Variants in RIC3 observed in about 807,000 individuals in gnomAD.
RIC3 encodes protein RIC-3.
RIC3 carries 28 observed loss-of-function variants against 27.3 expected under a neutral mutation model. The observed-to-expected ratio is 1.02, with a 90% CI of 0.76 to 1.41. RIC3 has a LOEUF of 1.41. Among genes scored for constraint, RIC3 ranks in the 40% most tolerant of loss-of-function variants. The pLI is 0.00. For missense variants in RIC3, 501 were observed against 444.7 expected (o/e 1.13, Z -1.14); for synonymous variants, 184 against 160.4 (o/e 1.15, Z -1.11).
At chr11:8,137,069 G>T (rs534036656) in intron 4 of RIC3, among the ~76,000 whole-genome samples, 2 of 152,038 alleles carry the variant, frequency 1.3e-5, no homozygotes, top group Admixed American at 6.5e-5. Flanking sequence ...TCATTGCCCA[G>T]GCTGGAGTGC....
the RIC3 span, among the ~76,000 whole-genome samples, chr11:8,099,252 T>G: frequency 1.3e-5 from 2 of 152,188 alleles, no homozygotes; most frequent in African/African-American, 4.8e-5. Flanking sequence ...TCACTGAACG[T>G]TCAACCTAAG....
chr11:8,161,840 C>T (rs1175951813), intron 1 of RIC3, among the ~76,000 whole-genome samples: 1 of 152,154 alleles, frequency 6.6e-6, no homozygotes, highest in Non-Finnish European at 1.5e-5. Flanking sequence ...ATAAATGAGA[C>T]ACTCCCACTT....
Position 8,151,462 on chromosome 11 carries a change from T to C in RIC3, c.125-11269A>G, listed in dbSNP as rs527325228. 7.0e-4 allele frequency among the ~76,000 whole-genome samples: 105 copies of C among 149,558 alleles called. 1 individual carries two copies. The highest frequency in any genetic ancestry group is 3.4e-3 in the Middle Eastern group (1 of 290). On this transcript the variant is annotated intron_variant, in intron 1 of 5. Transcript: ENST00000309737. ...TTAGCCGGGCATGGTGGCGCGTGCC[T>C]GTAGTCCCAGCTACACGGGAGGCTG...
intron 4 of RIC3, among the ~76,000 whole-genome samples, chr11:8,133,551 T>C (rs1474333123): frequency 6.6e-6 from 1 of 152,108 alleles, no homozygotes; most frequent in Non-Finnish European, 1.5e-5. Context: ...AGAGGTAGGG[T>C]GGAAAAAGTA....
chr11:8,128,739 A>C (rs1407393140), intron 4 of RIC3, among the ~76,000 whole-genome samples: 2 of 148,932 alleles, frequency 1.3e-5, no homozygotes, highest in Admixed American at 6.7e-5. Flanking sequence ...TTTTATGAAA[A>C]GTTGCAAAAA....
chr11:8,098,380 C>G, the RIC3 span, among the ~76,000 whole-genome samples: 10 of 152,114 alleles, frequency 6.6e-5, no homozygotes, highest in African/African-American at 1.9e-4. Flanking sequence ...AGGCTGGCTG[C>G]GACAGAGGAG....
At chr11:8,151,644 G>A (rs1189896002) in intron 1 of RIC3, among the ~76,000 whole-genome samples, 8 of 149,882 alleles carry the variant, frequency 5.3e-5, no homozygotes, top group African/African-American at 2.0e-4. Context: ...CCAGGTGTGG[G>A]GGCTCATGCT....
At chr11:8,098,915 A>G in the RIC3 span, 3 of 1,457,530 alleles carry the variant, frequency 2.1e-6, no homozygotes, top group African/African-American at 1.4e-5. Flanking sequence ...TCCAAGGTAG[A>G]TATGAAATCC....
At chr11:8,162,110 A>G (rs755670045) in intron 1 of RIC3, among the ~76,000 whole-genome samples, 16 of 152,344 alleles carry the variant, frequency 1.1e-4, no homozygotes, top group Non-Finnish European at 1.9e-4. Context: ...TACCACCCTG[A>G]GAGGGCAGCC....
chr11:8,107,072 A>AGAG lies in RIC3; in HGVS notation c.*3623_*3625dup, dbSNP rs1455162279. 1 of 152,242 alleles carries AGAG rather than the reference A, an allele frequency of 6.6e-6. No homozygotes were observed. 9.4% of individuals were successfully genotyped at this position (152,242 alleles called of 1,614,324 possible). On this transcript the variant is annotated 3_prime_UTR_variant, in exon 6 of 6. Transcript: ENST00000309737. Reference sequence around the variant, plus strand: ...CTCTGAGAGGTTAAGGAATGACCTAAGAGGAGAAATTTGGGCTATTTTCTT... The same window carrying AGAG: ...CTCTGAGAGGTTAAGGAATGACCTAAGAGGAGGAGAAATTTGGGCTATTTTCTT...
At chr11:8,101,553 G>A (rs147880022), downstream of RIC3, 441 of 1,614,238 alleles carry the variant, frequency 2.7e-4, no homozygotes, top group South Asian at 1.7e-3. Flanking sequence ...ACAACTACCC[G>A]CTGTGTGCAC....
the RIC3 span, among the ~76,000 whole-genome samples, chr11:8,093,249 G>T: frequency 1.4e-4 from 21 of 152,040 alleles, no homozygotes; most frequent in African/African-American, 4.3e-4. Flanking sequence ...ACTGAGGGGG[G>T]CGAGGGGGAG....
intron 2 of RIC3, chr11:8,139,580 A>G (rs1329548214): frequency 1.0e-5 from 2 of 190,590 alleles, no homozygotes; most frequent in East Asian, 1.4e-4. Flanking sequence ...GCCAATCCCA[A>G]TAATAAAAGC....
At chr11:8,145,950 T>A (rs1170429043) in intron 1 of RIC3, among the ~76,000 whole-genome samples, 1 of 152,208 alleles carries the variant, frequency 6.6e-6, no homozygotes, top group Non-Finnish European at 1.5e-5. Flanking sequence ...GTGATACAGA[T>A]ATTCTGCCTA....
chr11:8,101,626 C>G (rs773963377), downstream of RIC3: 4 of 1,614,080 alleles, frequency 2.5e-6, no homozygotes, highest in South Asian at 3.3e-5. Flanking sequence ...GTAGAGGCCT[C>G]TTCGTGCCCT....
At chr11:8,095,795 A>G in the RIC3 span, 1 of 1,015,240 alleles carries the variant, frequency 9.8e-7, no homozygotes, top group Non-Finnish European at 1.4e-6. Context: ...GGTGGGGCAC[A>G]CTTCGGAGAC....
chr11:8,106,270 G>A lies in RIC3; in HGVS notation c.*4428C>T, dbSNP rs762552857. 1 of 152,062 alleles carries A rather than the reference G, an allele frequency of 6.6e-6. No individual in the cohort carries two copies. Among genetic ancestry groups the A allele is most frequent in the Non-Finnish European group, 1.5e-5 (1 of 67,990 alleles). 9.4% of individuals were successfully genotyped at this position (152,062 alleles called of 1,614,324 possible). A position where few individuals can be genotyped will look rare whatever the true frequency, so the allele number is the denominator to read the frequency against. ...TTCTGTGTACTTTTTTCATAAAGGG[G>A]AAAAAAGCCCTGTTTACTTCCTAAT... On this transcript the variant is annotated 3_prime_UTR_variant, in exon 6 of 6. Coordinates refer to ENST00000309737, the MANE Select transcript of RIC3 (RefSeq NM_001206671.4).
At chr11:8,128,817 C>T (rs538760146) in intron 4 of RIC3, among the ~76,000 whole-genome samples, 89 of 146,584 alleles carry the variant, frequency 6.1e-4, no homozygotes, top group African/African-American at 2.1e-3. Flanking sequence ...TGCAGTGGCG[C>T]CACCTCAGCT....
chr11:8,101,706 T>C, downstream of RIC3: 1 of 1,519,424 alleles, frequency 6.6e-7, no homozygotes, highest in Non-Finnish European at 8.8e-7. Context: ...ATCCTCTGTA[T>C]ATAGGCCTTC....
Sources: gnomAD v4.1 joint callset for allele counts (sites outside exome capture counted in the v4.1 genomes callset) on GRCh38, gnomAD v4.1.1 for gene constraint, MANE v1.5 for transcripts, NCBI Gene and HGNC (gene_info 2026-07-23, HGNC 2026-07-21) for gene names.